PIBF1: variants seen among roughly 807,000 people sequenced by gnomAD.
PIBF1 encodes the protein progesterone-induced-blocking factor 1.
PIBF1 carries 90 observed loss-of-function variants against 112.5 expected under a neutral mutation model. The observed-to-expected ratio is 0.80, with a 90% CI of 0.67 to 0.95. The LOEUF is 0.95. Ranked by LOEUF, PIBF1 falls within the 40% of genes least tolerant of loss-of-function variation. PIBF1 has a pLI of 0.00. For synonymous variants in PIBF1, 301 were observed against 288.6 expected, an observed-to-expected ratio of 1.04 and a Z score of -0.44; for missense variants, 915 against 852.3, an observed-to-expected ratio of 1.07 and a Z score of -0.92.
intron 10 of PIBF1, among the ~76,000 whole-genome samples, chr13:72,855,642 C>T (rs2038388776): frequency 6.6e-6 from 1 of 151,878 alleles, no homozygotes; most frequent in Non-Finnish European, 1.5e-5. Flanking sequence ...GAGTGAGACT[C>T]TGTCTCAAAA....
At chr13:72,851,710 T>TA (rs1022771641) in intron 9 of PIBF1, among the ~76,000 whole-genome samples, 16 of 152,132 alleles carry the variant, frequency 1.1e-4, no homozygotes, top group South Asian at 2.1e-4. Context: ...AGTGAGAACT[T>TA]ACAGTACTTT....
chr13:72,906,260 G>A (rs982336385), intron 11 of PIBF1, among the ~76,000 whole-genome samples: 10 of 151,856 alleles, frequency 6.6e-5, no homozygotes, highest in African/African-American at 9.7e-5. Context: ...TCCCAGAAGC[G>A]TTGGCTTTAT....
intron 1 of PIBF1, 129 bp from the exon 2 acceptor site, chr13:72,783,294 G>A (rs1230750835): frequency 3.8e-6 from 2 of 531,738 alleles, no homozygotes; most frequent in Non-Finnish European, 6.8e-6. Context: ...GCAATAATCT[G>A]TTCTAGATTT....
At chr13:72,792,400 T>A in intron 2 of PIBF1, 47 bp from the exon 3 acceptor site, 2 of 1,182,028 alleles carry the variant, frequency 1.7e-6, no homozygotes, top group Non-Finnish European at 1.2e-6. Context: ...AACTGAAAGT[T>A]TTTCTTTATG....
At chr13:72,807,704 G>A (rs2035805841) in intron 5 of PIBF1, among the ~76,000 whole-genome samples, 1 of 152,178 alleles carries the variant, frequency 6.6e-6, no homozygotes, top group South Asian at 2.1e-4. Flanking sequence ...GTCTCAAAAG[G>A]TAAGTGGACT....
chr13:72,953,652 A>C (rs1189038256), intron 14 of PIBF1, among the ~76,000 whole-genome samples: 1 of 152,104 alleles, frequency 6.6e-6, no homozygotes, highest in Non-Finnish European at 1.5e-5. Flanking sequence ...ACATGGACAG[A>C]CTCAAGACCT....
intron 17 of PIBF1, among the ~76,000 whole-genome samples, chr13:73,015,300 AACTTTG>A (rs2044352247): frequency 6.6e-6 from 1 of 152,168 alleles, no homozygotes; most frequent in African/African-American, 2.4e-5. Flanking sequence ...CCAAAATAGG[AACTTTG>A]ACTGGAATCA....
chr13:72,877,048 C>A (rs1283216601), intron 10 of PIBF1, among the ~76,000 whole-genome samples: 2 of 152,136 alleles, frequency 1.3e-5, no homozygotes, highest in Non-Finnish European at 2.9e-5. Context: ...AGTTGAGGAA[C>A]TTCCCGCTAT....
intron 2 of PIBF1, among the ~76,000 whole-genome samples, chr13:72,784,062 C>A (rs1183345000): frequency 1.3e-5 from 2 of 151,454 alleles, no homozygotes; most frequent in Admixed American, 1.3e-4. Context: ...TTTTGAAAAA[C>A]ACAGCAGATG....
At chr13:72,958,309 CAAAAAAAAA>C (rs71799519) in intron 14 of PIBF1, among the ~76,000 whole-genome samples, 1 of 68,746 alleles carries the variant, frequency 1.5e-5, no homozygotes, top group Non-Finnish European at 2.8e-5. Flanking sequence ...GACCCTATCT[CAAAAAAAAA>C]AAAAAAAAAA....
intron 10 of PIBF1, among the ~76,000 whole-genome samples, chr13:72,883,931 T>C (rs1308346609): frequency 2.0e-5 from 3 of 152,114 alleles, no homozygotes; most frequent in Non-Finnish European, 4.4e-5. Context: ...TATACAGATA[T>C]ATACGTACAC....
intron 16 of PIBF1, among the ~76,000 whole-genome samples, chr13:72,976,158 G>A (rs2043016256): frequency 6.6e-6 from 1 of 152,114 alleles, no homozygotes; most frequent in South Asian, 2.1e-4. Context: ...AGGTACTCTG[G>A]AGGCTAAGGC....
chr13:72,986,182 GA>G (rs2043283446), intron 16 of PIBF1, among the ~76,000 whole-genome samples: 3 of 150,978 alleles, frequency 2.0e-5, no homozygotes, highest in South Asian at 4.2e-4. Context: ...AAAAAAGAAG[GA>G]AAAAAAAATT....
intron 12 of PIBF1, among the ~76,000 whole-genome samples, chr13:72,909,706 G>C (rs186960128): frequency 1.3e-5 from 2 of 151,724 alleles, no homozygotes; most frequent in Non-Finnish European, 2.9e-5. Context: ...TTGGTTAGGC[G>C]GTCTCAAACT....
intron 14 of PIBF1, among the ~76,000 whole-genome samples, chr13:72,946,253 A>G (rs538683619): frequency 1.3e-5 from 2 of 152,132 alleles, no homozygotes; most frequent in Non-Finnish European, 2.9e-5. Flanking sequence ...AAAGGGGGAA[A>G]AGCCCCTTAC....
At chr13:73,003,964 G>C (rs1021339295) in intron 17 of PIBF1, among the ~76,000 whole-genome samples, 1 of 151,562 alleles carries the variant, frequency 6.6e-6, no homozygotes. Flanking sequence ...TCCCACCATG[G>C]CTATAATCTC....
intron 17 of PIBF1, among the ~76,000 whole-genome samples, chr13:73,001,704 A>G (rs1296359700): frequency 2.7e-5 from 4 of 147,028 alleles, no homozygotes; most frequent in Admixed American, 7.1e-5. Context: ...GCTTACTGCA[A>G]CCTCTGCCTC....
chr13:72,902,309 C>G (rs1464416539), intron 11 of PIBF1, among the ~76,000 whole-genome samples: 2 of 151,872 alleles, frequency 1.3e-5, no homozygotes, highest in Non-Finnish European at 2.9e-5. Context: ...ATGGGTGCAC[C>G]AGGATCTCAC....
chr13:72,939,827 C>T (rs2041965830), intron 14 of PIBF1, among the ~76,000 whole-genome samples: 1 of 152,016 alleles, frequency 6.6e-6, no homozygotes. Flanking sequence ...TGACTTTTCT[C>T]TCCCTCTCTC....
Sources: allele counts gnomAD v4.1 joint callset (sites outside exome capture counted in the v4.1 genomes callset), GRCh38; gene constraint gnomAD v4.1.1; transcripts MANE v1.5; gene names NCBI Gene and HGNC (gene_info 2026-07-23, HGNC 2026-07-21).